SURF2: variants seen among roughly 807,000 people sequenced by gnomAD.
The protein encoded by SURF2 is surfeit 2.
SURF2 carries 32 observed loss-of-function variants against 26.2 expected under a neutral mutation model. The ratio of observed to expected loss-of-function variants is 1.22; its 90% CI spans 0.92 to 1.64. The LOEUF is 1.64. SURF2 is among the 40% of genes most tolerant of loss of function. The pLI is 0.00. For synonymous variants in SURF2, 173 were observed against 139.1 expected, an observed-to-expected ratio of 1.24 and a Z score of -1.71; for missense variants, 415 against 341.6, an observed-to-expected ratio of 1.21 and a Z score of -1.69.
At chr9:133,356,862 A>G (rs1177201913) in intron 1 of SURF2, 52 bp from the exon 2 acceptor site, 3 of 1,494,052 alleles carry the variant, frequency 2.0e-6, no homozygotes, top group East Asian at 2.5e-5. Flanking sequence ...AGGGGGCACC[A>G]GGGAGCGGAG....
chr9:133,356,897 C>G lies in SURF2; in HGVS notation c.79-17C>G. 1 of 1,539,056 alleles carries G rather than the reference C, an allele frequency of 6.5e-7. No homozygotes were observed. Among genetic ancestry groups the G allele is most frequent in the Non-Finnish European group, 8.8e-7 (1 of 1,141,646 alleles). ...GCCCTGGCCCTCCTGACGTCCTGCC[C>G]GCCCACGCGTCCGCAGGTGAGGTGC... On this transcript the variant is annotated splice_polypyrimidine_tract_variant and intron_variant, in intron 1 of 5. Transcript: ENST00000371964.
rs141911868 is a variant in SURF2, at chr9:133,358,333, G to C, written c.337+519G>C. Among the ~76,000 whole-genome samples, 1,333 of 152,256 alleles carry C rather than the reference G, an allele frequency of 8.8e-3. 69 individuals are homozygous for C. The highest frequency in any genetic ancestry group is 0.08 in the Admixed American group (1,220 of 15,280). On this transcript the variant is annotated intron_variant, in intron 3 of 5. Coordinates refer to ENST00000371964, the MANE Select transcript of SURF2 (RefSeq NM_017503.5). ...AGTGGGTGTGTGGAGAGGGTTGGGT[G>C]GGGGCTGCATGGACAGTGTGCATGG...
intron 2 of SURF2, 34 bp downstream of exon 2, chr9:133,357,102 G>A: frequency 2.0e-6 from 3 of 1,522,942 alleles, no homozygotes; most frequent in South Asian, 1.2e-5. Context: ...GGAGGCCCAG[G>A]GCAATTAGGA....
chr9:133,357,155 T>A (rs1342061400), intron 2 of SURF2, 87 bp downstream of exon 2: 14 of 1,391,978 alleles, frequency 1.0e-5, no homozygotes, highest in African/African-American at 1.5e-5. Context: ...GCCCCTACTC[T>A]TTCAGAGTTG....
chr9:133,357,709 AG>A lies in SURF2; in HGVS notation c.234del, dbSNP rs2130035710. Reference sequence around the variant, plus strand: ...TACAAATTTGGTCTCTCTGCTCTGTAGGCACCAGTTGTTCTGCAAACTCACC... The same window carrying A: ...TACAAATTTGGTCTCTCTGCTCTGTAGCACCAGTTGTTCTGCAAACTCACC... On this transcript the variant is annotated splice_acceptor_variant, in intron 2 of 5. Transcript: ENST00000371964. LOFTEE classifies it high-confidence loss of function. 2 of 1,613,708 alleles carry A rather than the reference AG, an allele frequency of 1.2e-6. No individual in the cohort carries two copies. Among genetic ancestry groups the A allele is most frequent in the South Asian group, 2.2e-5 (2 of 91,076 alleles).
At chr9:133,356,830 A>T in intron 1 of SURF2, 84 bp from the exon 2 acceptor site, 1 of 1,430,920 alleles carries the variant, frequency 7.0e-7, no homozygotes, top group Non-Finnish European at 9.2e-7. Flanking sequence ...TCAGGGGAGG[A>T]GAGGGAAGGG....
At chr9:133,360,975 G>A in intron 5 of SURF2, 81 bp from the exon 6 acceptor site, 1 of 1,435,326 alleles carries the variant, frequency 7.0e-7, no homozygotes, top group Non-Finnish European at 9.8e-7. Flanking sequence ...GGCTGTGTGG[G>A]TGGGGAGAGC....
rs2130054043 is a variant in SURF2, at chr9:133,360,718, C to T, written c.687+284C>T. On this transcript the variant is annotated intron_variant, in intron 5 of 5. Transcript: ENST00000371964. ...AGACTATGAGCTGTGGCGTGTTTGT[C>T]CTTACCCCTGGGCACAGGGACCTGA... Among the ~76,000 whole-genome samples, 24 of 152,334 alleles carry T rather than the reference C, an allele frequency of 1.6e-4. No homozygotes were observed. In the South Asian group the frequency reaches 4.8e-3, roughly 30 times the overall value.
At position 133,357,715 on chromosome 9, in the gene SURF2, C is replaced by T. The variant is rs2130035774; in HGVS notation, c.238C>T (p.Gln80Ter). Residue 80 changes from glutamine (Q) to a stop codon, truncating the protein, a stop_gained, in exon 3 of 6, where the codon CAG (glutamine) becomes TAG (stop). Coordinates refer to ENST00000371964, the MANE Select transcript of SURF2 (RefSeq NM_017503.5). LOFTEE classifies it high-confidence loss of function. ...HIVPSTKNPH[Q>*]LFCKLTLRHI... ...TTTGGTCTCTCTGCTCTGTAGGCAC[C>T]AGTTGTTCTGCAAACTCACCCTGCG... 5.0e-6 allele frequency: 8 copies of T among 1,613,770 alleles called. No individual in the cohort carries two copies. The highest frequency in any genetic ancestry group is 1.1e-5 in the South Asian group (1 of 91,082).
chr9:133,357,242 C>A, intron 2 of SURF2, 174 bp downstream of exon 2: 1 of 735,624 alleles, frequency 1.4e-6, no homozygotes, highest in Non-Finnish European at 2.1e-6. Context: ...TTGGTGAGCT[C>A]GTTTGCTCAC....
At chr9:133,359,663 C>A (rs1836700839) in intron 3 of SURF2, among the ~76,000 whole-genome samples, 1 of 152,256 alleles carries the variant, frequency 6.6e-6, no homozygotes, top group African/African-American at 2.4e-5. Flanking sequence ...TGGGCCTGGT[C>A]AGTGCCCTCC....
At chr9:133,357,685 A>C in intron 2 of SURF2, 26 bp from the exon 3 acceptor site, 28 of 1,587,676 alleles carry the variant, frequency 1.8e-5, no homozygotes, top group African/African-American at 2.7e-5. Flanking sequence ...AACTGTCCCT[A>C]CAAATTTGGT....
chr9:133,358,041 G>A (rs1836656746), intron 3 of SURF2, among the ~76,000 whole-genome samples: 1 of 152,210 alleles, frequency 6.6e-6, no homozygotes, highest in Non-Finnish European at 1.5e-5. Flanking sequence ...AGTGTGCGTG[G>A]CAATGCGAGG....
Position 133,356,945 on chromosome 9 carries a change from C to G in SURF2, c.110C>G (p.Pro37Arg). 3.8e-6 allele frequency: 6 copies of G among 1,566,194 alleles called. No homozygotes were observed. The highest frequency in any genetic ancestry group is 5.2e-6 in the Non-Finnish European group (6 of 1,155,990). Residue 37 changes from proline to arginine, a missense_variant, in exon 2 of 6, where the codon CCC (proline) becomes CGC (arginine). By Grantham distance (103) the Pro-to-Arg change is moderately radical. Transcript: ENST00000371964. ...TGCATCCTGACAGGTCACGAGCTGC[C>G]CTGCCGCCTGCCGGAGCTCCAGGTC... Reference protein sequence around the residue: ...VRCILTGHELPCRLPELQVYT... With the variant: ...VRCILTGHELRCRLPELQVYT...
intron 3 of SURF2, among the ~76,000 whole-genome samples, chr9:133,358,905 G>A (rs2130040961): frequency 5.3e-5 from 8 of 152,298 alleles, no homozygotes; most frequent in East Asian, 3.9e-4. Context: ...TGATGAGTGC[G>A]GAGAGGCAGT....
At chr9:133,360,202 C>CT in intron 4 of SURF2, 63 bp from the exon 5 acceptor site, 1 of 1,596,094 alleles carries the variant, frequency 6.3e-7, no homozygotes, top group South Asian at 1.1e-5. Flanking sequence ...GCTGCCTCCC[C>CT]TGCAAAGGTG....
At chr9:133,357,492 G>A (rs1836639428) in intron 2 of SURF2, among the ~76,000 whole-genome samples, 1 of 152,142 alleles carries the variant, frequency 6.6e-6, no homozygotes, top group Non-Finnish European at 1.5e-5. Context: ...AGTCAGTGAG[G>A]CTGCCATGCG....
In SURF2 at chr9:133,360,262, C is replaced by T. The variant is rs200846373; in HGVS notation, c.518-3C>T. On this transcript the variant is annotated splice_polypyrimidine_tract_variant and splice_region_variant and intron_variant, in intron 4 of 5. Coordinates refer to ENST00000371964, the MANE Select transcript of SURF2 (RefSeq NM_017503.5). ...TGTCAGCCAATCCCTGTGTTCCTCC[C>T]AGCTGAGCTATTCACCAGAAAGGAC... The T allele has an allele frequency of 1.7e-4, 276 of 1,613,316 alleles. No homozygotes were observed. The highest frequency in any genetic ancestry group is 3.6e-5 in the Non-Finnish European group (43 of 1,179,660).
At position 133,360,024 on chromosome 9, in the gene SURF2, C is replaced by A. The variant is rs2130046435; in HGVS notation, c.412C>A (p.Gln138Lys). The change falls in exon 4 of 6, where the codon CAG becomes AAG. Residue 138 changes from glutamine (Q) to lysine (K), a missense_variant. Physicochemically the swap from Gln to Lys is moderately conservative, Grantham distance 53 (BLOSUM62 1). Coordinates refer to ENST00000371964, the MANE Select transcript of SURF2 (RefSeq NM_017503.5). ...LVHRRRRRED[Q>K]MDGDGPRPRE... ...GCACCGGAGGAGGAGGAGGGAGGACCAGATGGACGGTGACGGGCCTCGCCC... is the reference window on the plus strand; with the variant it reads ...GCACCGGAGGAGGAGGAGGGAGGACAAGATGGACGGTGACGGGCCTCGCCC... The A allele has an allele frequency of 6.2e-7, 1 of 1,614,046 alleles. No individual in the cohort carries two copies. Among genetic ancestry groups the A allele is most frequent in the Non-Finnish European group, 8.5e-7 (1 of 1,179,950 alleles).
Sources: gnomAD v4.1 joint callset for allele counts (sites outside exome capture counted in the v4.1 genomes callset) on GRCh38, gnomAD v4.1.1 for gene constraint, MANE v1.5 for transcripts, NCBI Gene and HGNC (gene_info 2026-07-23, HGNC 2026-07-21) for gene names.